MYH11: variants seen among roughly 807,000 people sequenced by gnomAD.
MYH11 encodes the protein myosin-11.
In MYH11, 80 loss-of-function variants were observed where a neutral mutation model predicts 246.6. The ratio of observed to expected loss-of-function variants is 0.32; its 90% CI spans 0.27 to 0.39. The LOEUF is 0.39. MYH11 is among the 10% of genes least tolerant of loss of function. The pLI, the probability that MYH11 is intolerant of heterozygous loss-of-function variation, is 1.00. For synonymous variants in MYH11, 1,071 were observed against 1,015.5 expected (o/e 1.05, Z -1.04); for missense variants, 2,158 against 2,546.8 (o/e 0.85, Z 3.29).
chr16:15,714,301 C>T (rs1009751780), intron 40 of MYH11: 2 of 156,284 alleles, frequency 1.3e-5, no homozygotes, highest in African/African-American at 4.8e-5. Flanking sequence ...GTCGTACCCT[C>T]CCATCTCTAG....
chr16:15,765,145 G>A (rs913366066), intron 9 of MYH11, among the ~76,000 whole-genome samples: 11 of 152,088 alleles, frequency 7.2e-5, no homozygotes, highest in African/African-American at 2.7e-4. Context: ...TAGGTGGAAG[G>A]TGGATGGATG....
intron 15 of MYH11, 92 bp downstream of exon 15, chr16:15,753,302 C>A (rs1264836053): frequency 8.8e-7 from 1 of 1,140,344 alleles, no homozygotes; most frequent in African/African-American, 1.5e-5. Flanking sequence ...GTAAAGGCCT[C>A]CCCTCCTGGG....
rs757497342 is a variant in MYH11, at chr16:15,735,577, G to A, written c.3295C>T (p.Leu1099Phe). ...EEELQAALAR[L>F]DDEIAQKNNA... ...TTCTTCTGAGCGATTTCATCGTCAA[G>A]CCTTCCAGGGAGAGACCCAGCAGAA... The change falls in exon 26 of 41, where the codon CTT becomes TTT. Residue 1099 changes from leucine (L) to phenylalanine (F), a missense_variant and splice_region_variant. This residue lies in a region of MYH11 where 284 missense variants were observed against 315.4 expected (regional missense o/e 0.90). Transcript: ENST00000300036. The A allele has an allele frequency of 3.3e-5, 54 of 1,614,064 alleles. 2 individuals carry two copies. In the South Asian group the frequency reaches 5.7e-4, roughly 17 times the overall value.
intron 4 of MYH11, among the ~76,000 whole-genome samples, chr16:15,793,945 C>CTTTTTTTTTTTTTT (rs61625627): frequency 2.6e-4 from 18 of 70,226 alleles, no homozygotes; most frequent in Admixed American, 1.0e-3. Flanking sequence ...CTTTTCTTTT[C>CTTTTTTTTTTTTTT]TTTTTTTTTT....
chr16:15,767,477 T>C (rs1055268899), intron 9 of MYH11, among the ~76,000 whole-genome samples: 9 of 151,614 alleles, frequency 5.9e-5, no homozygotes, highest in African/African-American at 2.2e-4. Flanking sequence ...ATTTGGGGGG[T>C]TACATTTATT....
At chr16:15,794,740 G>T (rs1320557196) in intron 4 of MYH11, among the ~76,000 whole-genome samples, 1 of 152,200 alleles carries the variant, frequency 6.6e-6, no homozygotes, top group East Asian at 1.9e-4. Flanking sequence ...GAGCCCTGTG[G>T]GAAGGATGGA....
intron 27 of MYH11, among the ~76,000 whole-genome samples, chr16:15,731,733 T>C (rs1175912299): frequency 6.6e-6 from 1 of 151,826 alleles, no homozygotes; most frequent in East Asian, 1.9e-4. Flanking sequence ...GCTCAAGTGA[T>C]TTGCCCGCCT....
intron 20 of MYH11, among the ~76,000 whole-genome samples, 160 bp downstream of exon 20, chr16:15,744,969 G>C (rs2041377248): frequency 6.6e-6 from 1 of 152,244 alleles, no homozygotes; most frequent in African/African-American, 2.4e-5. Context: ...CCAAAGGACA[G>C]GGCCTCCTCG....
rs759725475 is a variant in MYH11, at chr16:15,738,590, A to C, written c.3096T>G (p.His1032Gln). Residue 1032 changes from histidine to glutamine, a missense_variant, in exon 24 of 41, where the codon CAT (histidine) becomes CAG (glutamine). Transcript: ENST00000300036. ...AKNLTKLKNK[H>Q]ESMISELEVR... ...CTTCCAGTTCTGAAATCATAGATTCATGCTTGTTTTTCAGCTTGGTAAGAT... is the reference window on the plus strand; with the variant it reads ...CTTCCAGTTCTGAAATCATAGATTCCTGCTTGTTTTTCAGCTTGGTAAGAT... The C allele has an allele frequency of 1.2e-6, 2 of 1,613,906 alleles. No individual in the cohort carries two copies. Among genetic ancestry groups the C allele is most frequent in the Admixed American group, 3.3e-5 (2 of 60,002 alleles).
At chr16:15,716,603 C>A (rs1408324930) in intron 38 of MYH11, among the ~76,000 whole-genome samples, 1 of 152,114 alleles carries the variant, frequency 6.6e-6, no homozygotes, top group African/African-American at 2.4e-5. Context: ...CTCACTGCAA[C>A]CTCCACGTGT....
In MYH11 at chr16:15,802,841, A is replaced by G. The variant is rs541814849; in HGVS notation, c.503-4154T>C. On this transcript the variant is annotated intron_variant, in intron 3 of 40. Coordinates refer to ENST00000300036, the MANE Select transcript of MYH11 (RefSeq NM_002474.3). The stretch of plus-strand genomic sequence containing the variant: ...CTGGCTTGGAGTGAGACCTAAATCA[A>G]TGGTGTCCCTATTTATAAGAGAAAG... Among the ~76,000 whole-genome samples, 12 of 151,142 alleles carry G rather than the reference A, an allele frequency of 7.9e-5. No individual in the cohort carries two copies. In the East Asian group the frequency reaches 2.4e-3, roughly 31 times the overall value.
chr16:15,839,028 G>C (rs778305207), intron 1 of MYH11, among the ~76,000 whole-genome samples: 2 of 151,948 alleles, frequency 1.3e-5, no homozygotes, highest in Non-Finnish European at 2.9e-5. Context: ...AAGCAACATG[G>C]CAAAACCTTG....
intron 9 of MYH11, among the ~76,000 whole-genome samples, chr16:15,764,846 C>T (rs2041946896): frequency 6.6e-6 from 1 of 152,228 alleles, no homozygotes; most frequent in Admixed American, 6.5e-5. Flanking sequence ...TTCTTACATA[C>T]TCTTCTGGGT....
chr16:15,763,746 C>T (rs371046501), intron 10 of MYH11, 50 bp downstream of exon 10: 8 of 628,278 alleles, frequency 1.3e-5, no homozygotes, highest in Non-Finnish European at 2.4e-5. Context: ...TCACCTCCCC[C>T]ACCCCCCCAA....
rs894807080 is a variant in MYH11, at chr16:15,721,228, C to T, written c.4579-177G>A. 1.2e-5 allele frequency: 11 copies of T among 932,630 alleles called. No individual in the cohort carries two copies. The African/African-American group carries it at 1.6e-4, about 14-fold the overall frequency. The allele number at this position is 932,630 out of a possible 1,614,324, so 57.8% of individuals were successfully genotyped here. A position where few individuals can be genotyped will look rare whatever the true frequency, so the allele number is the denominator to read the frequency against. ...TCAGACCCCAGCCTTATCCTCGGACCCCCCAACTCAGACCCATCCTCGACT... is the reference window on the plus strand; with the variant it reads ...TCAGACCCCAGCCTTATCCTCGGACTCCCCAACTCAGACCCATCCTCGACT... On this transcript the variant is annotated intron_variant, in intron 32 of 40. Transcript: ENST00000300036.
intron 3 of MYH11, among the ~76,000 whole-genome samples, chr16:15,822,517 CAAAACAAAACAAAACA>C (rs2043440964): frequency 6.6e-6 from 1 of 151,946 alleles, no homozygotes; most frequent in Non-Finnish European, 1.5e-5. Context: ...CTTCCAAAAA[CAAAACAAAACAAAACA>C]AAAACAAAAC....
intron 1 of MYH11, among the ~76,000 whole-genome samples, chr16:15,845,224 G>T (rs1372865239): frequency 6.6e-6 from 1 of 152,028 alleles, no homozygotes. Flanking sequence ...GGCTGCATGG[G>T]GCCCAGGACG....
At chr16:15,829,701 T>C (rs1464093341) in intron 2 of MYH11, among the ~76,000 whole-genome samples, 1 of 152,122 alleles carries the variant, frequency 6.6e-6, no homozygotes, top group East Asian at 1.9e-4. Flanking sequence ...TGTGACCGTA[T>C]TAGGAAGCAG....
At chr16:15,764,888 T>C (rs1030911108) in intron 9 of MYH11, among the ~76,000 whole-genome samples, 1 of 152,252 alleles carries the variant, frequency 6.6e-6, no homozygotes, top group South Asian at 2.1e-4. Flanking sequence ...ATGAAGAAGA[T>C]ATACATTTGT....
Sources: allele counts gnomAD v4.1 joint callset (sites outside exome capture counted in the v4.1 genomes callset), GRCh38; gene constraint gnomAD v4.1.1; regional missense constraint gnomAD v4.1.1; transcripts MANE v1.5; gene names NCBI Gene and HGNC (gene_info 2026-07-23, HGNC 2026-07-21).